The following RABGAP1L variants were observed in gnomAD, a reference collection of about 807,000 sequenced individuals.
RABGAP1L encodes the protein RAB GTPase activating protein 1 like, also known as rab GTPase-activating protein 1-like.
In RABGAP1L, 63 loss-of-function variants were observed where a neutral mutation model predicts 137.7. The observed-to-expected ratio is 0.46, with a 90% CI of 0.37 to 0.56. RABGAP1L has a LOEUF of 0.56. Among genes scored for constraint, RABGAP1L ranks in the 20% least tolerant of loss-of-function variants. The pLI is 0.00. For missense variants in RABGAP1L, 1,095 were observed against 1,244.0 expected, an observed-to-expected ratio of 0.88 and a Z score of 1.80; for synonymous variants, 431 against 433.7, an observed-to-expected ratio of 0.99 and a Z score of 0.08.
chr1:174,214,691 T>C (rs1315939923), intron 1 of RABGAP1L, among the ~76,000 whole-genome samples: 4 of 152,138 alleles, frequency 2.6e-5, no homozygotes, highest in Non-Finnish European at 5.9e-5. Context: ...TGTACATCTA[T>C]GGTGAACTCA....
chr1:174,368,239 T>C (rs1184048167), intron 11 of RABGAP1L, among the ~76,000 whole-genome samples: 1 of 152,242 alleles, frequency 6.6e-6, no homozygotes, highest in African/African-American at 2.4e-5. Context: ...TACCATAATT[T>C]AGTTAGTAAA....
chr1:174,175,450 C>T (rs1217330297), intron 1 of RABGAP1L, among the ~76,000 whole-genome samples: 2 of 151,488 alleles, frequency 1.3e-5, no homozygotes, highest in Admixed American at 6.6e-5. Flanking sequence ...CATTGTATTG[C>T]AACTTGCCTG....
Position 174,449,253 on chromosome 1 carries a change from A to G in RABGAP1L, c.1710+55108A>G. The G allele has an allele frequency of 2.1e-6, 3 of 1,424,894 alleles. No individual in the cohort carries two copies. The South Asian group carries it at 4.3e-5, about 21-fold the overall frequency. The allele number at this position is 1,424,894 out of a possible 1,614,324, so 88.3% of individuals were successfully genotyped here. On this transcript the variant is annotated intron_variant, in intron 13 of 25. Transcript: ENST00000681986. ...TGACAGTGGTTTTGGATCATATTCTAGATTCATCTGGAAATTTGCCATCAG... is the reference window on the plus strand; with the variant it reads ...TGACAGTGGTTTTGGATCATATTCTGGATTCATCTGGAAATTTGCCATCAG...
At chr1:174,435,179 C>A (rs1380442814) in intron 13 of RABGAP1L, among the ~76,000 whole-genome samples, 3 of 152,008 alleles carry the variant, frequency 2.0e-5, no homozygotes. Context: ...ACCACCACAC[C>A]CAGCTAAATT....
chr1:174,699,559 A>C lies in RABGAP1L; in HGVS notation c.1934A>C (p.Lys645Thr). 1 of 1,612,334 alleles carries C rather than the reference A, an allele frequency of 6.2e-7. No homozygotes were observed. Among genetic ancestry groups the C allele is most frequent in the Admixed American group, 1.7e-5 (1 of 59,994 alleles). The part of the protein sequence containing the change: ...PEEQAFCVLV[K>T]IMYDYGLRDL... ...GAACAAGCATTCTGTGTTTTGGTGA[A>C]AATCATGTACGACTATGGTTTGAGA... Residue 645 changes from lysine (K) to threonine (T), a missense_variant, in exon 16 of 26, where the codon AAA becomes ACA. This residue lies in a region of RABGAP1L where 315 missense variants were observed against 324.8 expected (regional missense o/e 0.97). Coordinates refer to ENST00000681986, the MANE Select transcript of RABGAP1L (RefSeq NM_001366446.1).
chr1:174,881,008 G>A (rs929675117), intron 19 of RABGAP1L, among the ~76,000 whole-genome samples: 1 of 152,196 alleles, frequency 6.6e-6, no homozygotes, highest in Admixed American at 6.5e-5. Context: ...AGTGATGGCT[G>A]AAGAGGTGGA....
chr1:174,664,169 C>T (rs1318990415), intron 14 of RABGAP1L, among the ~76,000 whole-genome samples: 5 of 152,070 alleles, frequency 3.3e-5, no homozygotes, highest in African/African-American at 9.7e-5. Context: ...GGAGCCTAGC[C>T]GTCTATTATC....
chr1:174,280,542 A>G (rs985170972), intron 10 of RABGAP1L, among the ~76,000 whole-genome samples: 1 of 151,986 alleles, frequency 6.6e-6, no homozygotes, highest in Admixed American at 6.6e-5. Flanking sequence ...TTCCCAAACT[A>G]TTTTTTCTTG....
At chr1:174,515,561 G>A (rs766538327) in intron 13 of RABGAP1L, among the ~76,000 whole-genome samples, 2 of 151,602 alleles carry the variant, frequency 1.3e-5, no homozygotes, top group African/African-American at 2.4e-5. Context: ...AAATTGGTTG[G>A]TTTCCACATA....
intron 13 of RABGAP1L, among the ~76,000 whole-genome samples, chr1:174,505,107 A>T (rs1027641631): frequency 6.6e-6 from 1 of 152,202 alleles, no homozygotes; most frequent in African/African-American, 2.4e-5. Context: ...TATATAAAAA[A>T]ATGTTCAGTG....
intron 13 of RABGAP1L, among the ~76,000 whole-genome samples, chr1:174,603,173 A>T (rs910407978): frequency 6.6e-6 from 1 of 152,222 alleles, no homozygotes; most frequent in African/African-American, 2.4e-5. Context: ...ATTAGGGGGC[A>T]TCTCAAACCA....
At chr1:174,907,651 C>CTAT (rs996181169) in intron 19 of RABGAP1L, among the ~76,000 whole-genome samples, 1 of 152,048 alleles carries the variant, frequency 6.6e-6, no homozygotes. Flanking sequence ...TTTGTTATAT[C>CTAT]TATAAGATGC....
chr1:174,510,818 A>G (rs1662266751), intron 13 of RABGAP1L, among the ~76,000 whole-genome samples: 1 of 152,212 alleles, frequency 6.6e-6, no homozygotes, highest in Admixed American at 6.5e-5. Flanking sequence ...GTCATGTATT[A>G]ATTACAGACA....
At chr1:174,524,226 A>G (rs1572164730) in intron 13 of RABGAP1L, among the ~76,000 whole-genome samples, 1 of 151,548 alleles carries the variant, frequency 6.6e-6, no homozygotes, top group Admixed American at 6.6e-5. Flanking sequence ...AGAAATCTCT[A>G]TACCGTTTTC....
chr1:174,864,712 C>T (rs1338186689), intron 19 of RABGAP1L, among the ~76,000 whole-genome samples: 2 of 152,202 alleles, frequency 1.3e-5, no homozygotes, highest in Admixed American at 6.5e-5. Flanking sequence ...TCTGGGGACA[C>T]AGCCAAACCA....
chr1:174,485,652 C>T (rs578176837), intron 13 of RABGAP1L, among the ~76,000 whole-genome samples: 1 of 152,272 alleles, frequency 6.6e-6, no homozygotes, highest in South Asian at 2.1e-4. Context: ...TATTGATTTG[C>T]ATATGTTGAA....
At chr1:174,745,384 A>T (rs1683790927) in intron 17 of RABGAP1L, among the ~76,000 whole-genome samples, 1 of 152,214 alleles carries the variant, frequency 6.6e-6, no homozygotes, top group Non-Finnish European at 1.5e-5. Context: ...GCAGTACCAT[A>T]GTCTGCCCAG....
chr1:174,824,250 A>G (rs1691339105), intron 19 of RABGAP1L, among the ~76,000 whole-genome samples: 1 of 152,160 alleles, frequency 6.6e-6, no homozygotes, highest in African/African-American at 2.4e-5. Context: ...AGTTCGCTCC[A>G]CTTCCCTCCA....
chr1:174,722,492 C>G (rs945702925), intron 17 of RABGAP1L, among the ~76,000 whole-genome samples: 1 of 151,878 alleles, frequency 6.6e-6, no homozygotes, highest in African/African-American at 2.4e-5. Flanking sequence ...TCTTGTTGCC[C>G]AGGCTGGAGT....
Sources: gnomAD v4.1 joint callset for allele counts (sites outside exome capture counted in the v4.1 genomes callset) on GRCh38, gnomAD v4.1.1 for gene constraint, gnomAD v4.1.1 regional missense constraint, MANE v1.5 for transcripts, NCBI Gene and HGNC (gene_info 2026-07-23, HGNC 2026-07-21) for gene names.